SAP130: variants seen among roughly 807,000 people sequenced by gnomAD.
SAP130 encodes Sin3A associated protein 130.
In SAP130, 16 loss-of-function variants were observed where a neutral mutation model predicts 103.2. The ratio of observed to expected loss-of-function variants is 0.16; its 90% confidence interval spans 0.10 to 0.24. The LOEUF is 0.24. Ranked by LOEUF, SAP130 falls within the 10% of genes least tolerant of loss-of-function variation. SAP130 has a pLI of 1.00. For missense variants in SAP130, 990 were observed against 1,359.7 expected (o/e 0.73, Z 4.28); for synonymous variants, 477 against 497.0 (o/e 0.96, Z 0.53).
At chr2:127,948,825 G>C (rs1192544058) in intron 18 of SAP130, among the ~76,000 whole-genome samples, 1 of 152,170 alleles carries the variant, frequency 6.6e-6, no homozygotes, top group Non-Finnish European at 1.5e-5. Flanking sequence ...TATCTTTCTT[G>C]AGATAGTTTT....
intron 4 of SAP130, among the ~76,000 whole-genome samples, chr2:128,015,224 G>T (rs1684687306): frequency 6.6e-6 from 1 of 152,158 alleles, no homozygotes; most frequent in Non-Finnish European, 1.5e-5. Flanking sequence ...TGTTTTCCCT[G>T]TTCTGGCCAA....
intron 15 of SAP130, among the ~76,000 whole-genome samples, chr2:127,977,752 G>A (rs1019208988): frequency 2.6e-5 from 4 of 152,146 alleles, no homozygotes; most frequent in Non-Finnish European, 5.9e-5. Flanking sequence ...TGGGAGTGGT[G>A]GCACACGTCT....
intron 2 of SAP130, among the ~76,000 whole-genome samples, chr2:128,025,469 C>A (rs1685438604): frequency 6.6e-6 from 1 of 152,162 alleles, no homozygotes; most frequent in Admixed American, 6.5e-5. Context: ...CCCTCTGTAT[C>A]CATGGGTTCC....
At chr2:128,011,896 T>G (rs1196533660) in intron 6 of SAP130, among the ~76,000 whole-genome samples, 1 of 152,180 alleles carries the variant, frequency 6.6e-6, no homozygotes, top group East Asian at 1.9e-4. Context: ...CACTGCAACC[T>G]CTGCCTCTCG....
At chr2:127,954,475 T>C (rs953196264) in intron 16 of SAP130, among the ~76,000 whole-genome samples, 2 of 151,624 alleles carry the variant, frequency 1.3e-5, no homozygotes, top group African/African-American at 4.8e-5. Context: ...ACCTCTCAAG[T>C]GACTTGACTT....
At chr2:128,012,680 C>A (rs565334586) in intron 6 of SAP130, among the ~76,000 whole-genome samples, 55 of 152,054 alleles carry the variant, frequency 3.6e-4, no homozygotes, top group Middle Eastern at 3.4e-3. Context: ...ATACACCTAA[C>A]TTTTAGGAGT....
intron 14 of SAP130, among the ~76,000 whole-genome samples, chr2:127,985,480 C>T (rs1682311348): frequency 6.6e-6 from 1 of 152,164 alleles, no homozygotes; most frequent in Non-Finnish European, 1.5e-5. Context: ...TGCTCATCTC[C>T]CACCTCCAGA....
intron 7 of SAP130, among the ~76,000 whole-genome samples, chr2:128,004,513 G>T (rs1346491161): frequency 6.6e-6 from 1 of 151,828 alleles, no homozygotes; most frequent in African/African-American, 2.4e-5. Flanking sequence ...AGCCTGAAGA[G>T]AGAATTTCTG....
At chr2:128,016,038 C>A (rs1684751489) in intron 4 of SAP130, among the ~76,000 whole-genome samples, 1 of 151,972 alleles carries the variant, frequency 6.6e-6, no homozygotes, top group Admixed American at 6.6e-5. Flanking sequence ...CACAGAGCAG[C>A]ACTGCCTACC....
chr2:127,957,065 C>T (rs368813633), intron 15 of SAP130, among the ~76,000 whole-genome samples: 1 of 152,118 alleles, frequency 6.6e-6, no homozygotes, highest in Non-Finnish European at 1.5e-5. Context: ...GTTTGGGAAG[C>T]TGAGGCGGAA....
intron 18 of SAP130, among the ~76,000 whole-genome samples, chr2:127,948,718 C>T (rs984072064): frequency 2.0e-5 from 3 of 152,176 alleles, no homozygotes; most frequent in African/African-American, 7.2e-5. Flanking sequence ...AATAGCTGCA[C>T]TAAAGTTTCA....
chr2:128,009,449 T>C (rs1402549251), intron 7 of SAP130, among the ~76,000 whole-genome samples: 1 of 152,118 alleles, frequency 6.6e-6, no homozygotes, highest in Non-Finnish European at 1.5e-5. Flanking sequence ...CCAGCCTGGG[T>C]GACAGAGTGA....
At chr2:128,006,887 T>C (rs1684017468) in intron 7 of SAP130, among the ~76,000 whole-genome samples, 1 of 152,258 alleles carries the variant, frequency 6.6e-6, no homozygotes, top group South Asian at 2.1e-4. Context: ...AGAAGTTCTA[T>C]CTTAATTCCA....
intron 11 of SAP130, among the ~76,000 whole-genome samples, chr2:127,994,631 T>C (rs954562588): frequency 3.9e-5 from 6 of 151,900 alleles, no homozygotes; most frequent in Non-Finnish European, 8.8e-5. Flanking sequence ...TGATTGCATG[T>C]GCCTGCAGTC....
chr2:127,983,823 GTTTTTT>G (rs879920789), intron 14 of SAP130, among the ~76,000 whole-genome samples: 2 of 79,286 alleles, frequency 2.5e-5, no homozygotes, highest in Non-Finnish European at 4.6e-5. Context: ...TTACTTTGTT[GTTTTTT>G]TTTTTTTTTT....
intron 2 of SAP130, among the ~76,000 whole-genome samples, chr2:128,022,363 G>A (rs1367246721): frequency 6.6e-6 from 1 of 152,180 alleles, no homozygotes. Context: ...GTCACCATCT[G>A]ATAGACATTT....
intron 7 of SAP130, among the ~76,000 whole-genome samples, chr2:128,009,709 G>C (rs1684243565): frequency 6.6e-6 from 1 of 152,054 alleles, no homozygotes; most frequent in African/African-American, 2.4e-5. Context: ...CCTTAGTGTG[G>C]CTCCTAAGGG....
chr2:128,013,259 GT>G, intron 5 of SAP130, 105 bp from the exon 6 acceptor site: 1 of 1,002,950 alleles, frequency 1.0e-6, no homozygotes, highest in Non-Finnish European at 1.4e-6. Flanking sequence ...TCGAGCTGAA[GT>G]ATGGTATGTA....
intron 15 of SAP130, among the ~76,000 whole-genome samples, chr2:127,976,865 C>T (rs557079304): frequency 5.3e-5 from 8 of 152,266 alleles, no homozygotes; most frequent in African/African-American, 1.7e-4. Context: ...AGGGCCACTG[C>T]ACTCCAGCCT....
Sources: allele counts gnomAD v4.1 joint callset (sites outside exome capture counted in the v4.1 genomes callset), GRCh38; gene constraint gnomAD v4.1.1; transcripts MANE v1.5; gene names NCBI Gene and HGNC (gene_info 2026-07-23, HGNC 2026-07-21).